RIPOR2: variants seen among roughly 807,000 people sequenced by gnomAD.
RIPOR2 encodes rho family-interacting cell polarization regulator 2.
A neutral mutation model predicts 114.5 loss-of-function variants in RIPOR2; 39 were observed. The ratio of observed to expected loss-of-function variants is 0.34; its 90% confidence interval spans 0.26 to 0.44. The LOEUF (loss-of-function observed/expected upper bound fraction) is 0.44, where lower values mean the gene tolerates loss of function less well. Ranked by LOEUF, RIPOR2 falls within the 20% of genes least tolerant of loss-of-function variation. The probability of loss-of-function intolerance (pLI) is 1.00; values close to 1 mark genes in which losing one functional copy is unlikely to be tolerated. For missense variants in RIPOR2, 1,007 were observed against 1,255.1 expected, an observed-to-expected ratio of 0.80 and a Z score of 2.99; for synonymous variants, 445 against 484.4, an observed-to-expected ratio of 0.92 and a Z score of 1.07.
In RIPOR2 at chr6:24,850,015, G is replaced by C; in HGVS notation, c.886-65C>G. On this transcript the variant is annotated intron_variant, in intron 10 of 21. Coordinates refer to ENST00000643898, the MANE Select transcript of RIPOR2 (RefSeq NM_001286445.3). ...GCAGAGGAGAAAGGTAGAATAATGT[G>C]TCATTTTTTTTACTGAGCTAGGTTG... 3 of 1,395,840 alleles carry C rather than the reference G, an allele frequency of 2.1e-6. No individual in the cohort carries two copies. The South Asian group carries it at 4.1e-5, about 19-fold the overall frequency. The allele number at this position is 1,395,840 out of a possible 1,614,324, so 86.5% of individuals were successfully genotyped here. A position where few individuals can be genotyped will look rare whatever the true frequency, so the allele number is the denominator to read the frequency against.
intron 1 of RIPOR2, among the ~76,000 whole-genome samples, chr6:24,930,663 G>A (rs1370189900): frequency 2.0e-5 from 3 of 152,336 alleles, no homozygotes; most frequent in African/African-American, 7.2e-5. Flanking sequence ...ATTACTGTGG[G>A]GAGGTCTTTG....
chr6:24,910,165 G>T (rs546844809), intron 1 of RIPOR2, among the ~76,000 whole-genome samples: 1 of 152,092 alleles, frequency 6.6e-6, no homozygotes, highest in Non-Finnish European at 1.5e-5. Flanking sequence ...CTGTCCTCAG[G>T]TGCATCCCCT....
chr6:24,980,903 T>G (rs1232185015), intron 1 of RIPOR2, among the ~76,000 whole-genome samples: 2 of 152,144 alleles, frequency 1.3e-5, no homozygotes, highest in Non-Finnish European at 2.9e-5. Flanking sequence ...GGGGCACACA[T>G]GCTTTCTCTG....
At chr6:24,831,983 G>T (rs1760724456) in intron 16 of RIPOR2, among the ~76,000 whole-genome samples, 1 of 152,198 alleles carries the variant, frequency 6.6e-6, no homozygotes, top group African/African-American at 2.4e-5. Context: ...GAAAGTCTGT[G>T]AAACTCTGCC....
At chr6:24,891,514 T>TAA (rs66763945) in intron 1 of RIPOR2, among the ~76,000 whole-genome samples, 11 of 148,472 alleles carry the variant, frequency 7.4e-5, no homozygotes, top group African/African-American at 2.5e-4. Context: ...AGTAACGAGA[T>TAA]AAAAAAAAAA....
intron 1 of RIPOR2, among the ~76,000 whole-genome samples, chr6:24,945,423 TAGAG>T (rs1392319766): frequency 6.6e-6 from 1 of 151,890 alleles, no homozygotes; most frequent in Non-Finnish European, 1.5e-5. Flanking sequence ...TAAGAAAAAA[TAGAG>T]AGCACTGGTA....
intron 1 of RIPOR2, among the ~76,000 whole-genome samples, chr6:25,039,770 G>A (rs1777389728): frequency 6.6e-6 from 1 of 152,158 alleles, no homozygotes; most frequent in Admixed American, 6.5e-5. Flanking sequence ...GATATAGAAT[G>A]AAGTTTCATA....
rs771776895 is a variant in RIPOR2 at position 24,839,607 on chromosome 6, A to C, written c.1858-335T>G. ...AGAGGATCTTCTCTACTTCTGTTTG[A>C]AATTTTTATAACAAAAAGTTGAAAA... is the stretch of plus-strand genomic sequence containing the variant. On this transcript the variant is annotated intron_variant, in intron 13 of 21. Coordinates refer to ENST00000643898, the MANE Select transcript of RIPOR2 (RefSeq NM_001286445.3). The C allele has an allele frequency of 4.5e-6, 7 of 1,540,712 alleles. No individual in the cohort carries two copies. In the South Asian group the frequency reaches 8.6e-5, roughly 19 times the overall value.
In RIPOR2 at chr6:24,832,409, ACTC is replaced by A; in HGVS notation, c.2209-21_2209-19del. 6.4e-7 allele frequency: 1 copy of A among 1,551,042 alleles called. No homozygotes were observed. On this transcript the variant is annotated intron_variant, in intron 15 of 21. Transcript: ENST00000643898. ...ACAATTTGCTGGTAAAACAAACAAA[ACTC>A]CTGTTTCAATTATGTTGTTTTCAGT... is the stretch of plus-strand genomic sequence containing the variant.
At chr6:24,893,917 A>G (rs1345462423) in intron 1 of RIPOR2, among the ~76,000 whole-genome samples, 2 of 152,226 alleles carry the variant, frequency 1.3e-5, no homozygotes, top group Non-Finnish European at 2.9e-5. Flanking sequence ...ATTTGAGCCA[A>G]CTGGAAGCAT....
At chr6:24,948,167 A>G (rs1023830560) in intron 1 of RIPOR2, 3 of 152,234 alleles carry the variant, frequency 2.0e-5, no homozygotes, top group Non-Finnish European at 4.4e-5. Flanking sequence ...TTGGCCACCA[A>G]TGATATTGAA....
chr6:24,893,853 A>G (rs1767594744), intron 1 of RIPOR2, among the ~76,000 whole-genome samples: 1 of 152,214 alleles, frequency 6.6e-6, no homozygotes, highest in African/African-American at 2.4e-5. Flanking sequence ...TTTCACCATA[A>G]ACAAGAGAAC....
intron 1 of RIPOR2, among the ~76,000 whole-genome samples, chr6:24,967,347 T>G (rs1178617663): frequency 6.6e-6 from 1 of 152,198 alleles, no homozygotes; most frequent in East Asian, 1.9e-4. Context: ...GTCCAAGATA[T>G]TGTCCAAGTA....
At chr6:24,983,251 T>C (rs1774381264) in intron 1 of RIPOR2, among the ~76,000 whole-genome samples, 2 of 151,592 alleles carry the variant, frequency 1.3e-5, no homozygotes, top group African/African-American at 2.4e-5. Context: ...GGCACACACA[T>C]ATATATACAC....
At chr6:24,880,320 C>T (rs967093287) in intron 1 of RIPOR2, among the ~76,000 whole-genome samples, 1 of 152,072 alleles carries the variant, frequency 6.6e-6, no homozygotes, top group Middle Eastern at 3.4e-3. Flanking sequence ...ACAACATGGC[C>T]ACATGGAAAG....
At chr6:25,000,468 T>C (rs1775253798) in intron 1 of RIPOR2, among the ~76,000 whole-genome samples, 1 of 152,238 alleles carries the variant, frequency 6.6e-6, no homozygotes, top group South Asian at 2.1e-4. Flanking sequence ...TAGTCATTTA[T>C]TAAATGAATA....
intron 1 of RIPOR2, among the ~76,000 whole-genome samples, chr6:25,005,583 A>T (rs1775515166): frequency 6.6e-6 from 1 of 151,280 alleles, no homozygotes; most frequent in Non-Finnish European, 1.5e-5. Flanking sequence ...ACAAAGTCAG[A>T]GACATAGTCT....
At position 24,875,586 on chromosome 6, in the gene RIPOR2, C is replaced by G. The variant is rs2255337; in HGVS notation, c.188+105G>C. 640,049 of 1,022,224 alleles carry G rather than the reference C, an allele frequency of 0.63. 204,500 individuals are homozygous for G. Among genetic ancestry groups the G allele is most frequent in the African/African-American group, 0.88 (54,024 of 61,146 alleles). 63.3% of individuals were successfully genotyped at this position (1,022,224 alleles called of 1,614,324 possible). ...AAAAAGATTAAAATGGGGAGGAGGC[C>G]GGGGGGCGGTTTGACAAGGCTGAAT... On this transcript the variant is annotated intron_variant, in intron 2 of 21. Transcript: ENST00000643898.
chr6:24,960,056 T>G (rs1223377029), intron 1 of RIPOR2, among the ~76,000 whole-genome samples: 1 of 152,226 alleles, frequency 6.6e-6, no homozygotes, highest in African/African-American at 2.4e-5. Flanking sequence ...AGGTTGTCCC[T>G]CTAGGCATTC....
Sources: gnomAD v4.1 joint callset for allele counts (sites outside exome capture counted in the v4.1 genomes callset) on GRCh38, gnomAD v4.1.1 for gene constraint, MANE v1.5 for transcripts, NCBI Gene and HGNC (gene_info 2026-07-23, HGNC 2026-07-21) for gene names.